Variants in SEMA4D observed in about 807,000 individuals in gnomAD.
SEMA4D encodes the protein semaphorin-4D.
SEMA4D carries 22 observed loss-of-function variants against 74.8 expected under a neutral mutation model. The ratio of observed to expected loss-of-function variants is 0.29; its 90% CI spans 0.21 to 0.42. The LOEUF (loss-of-function observed/expected upper bound fraction) is 0.42. Among genes scored for constraint, SEMA4D ranks in the 10% least tolerant of loss-of-function variants. SEMA4D has a pLI of 1.00. For synonymous variants in SEMA4D, 445 were observed against 463.7 expected, an observed-to-expected ratio of 0.96 and a Z score of 0.52; for missense variants, 937 against 1,118.4, an observed-to-expected ratio of 0.84 and a Z score of 2.31.
At chr9:89,447,552 G>A (rs1853226039) in intron 2 of SEMA4D, among the ~76,000 whole-genome samples, 1 of 152,066 alleles carries the variant, frequency 6.6e-6, no homozygotes, top group South Asian at 2.1e-4. Flanking sequence ...AGTCCTCTGG[G>A]TCCACCTTCA....
chr9:89,399,295 T>G lies in SEMA4D; in HGVS notation c.296A>C (p.Glu99Ala). 6.2e-7 allele frequency: 1 copy of G among 1,613,908 alleles called. No homozygotes were observed. Among genetic ancestry groups the G allele is most frequent in the Non-Finnish European group, 8.5e-7 (1 of 1,179,700 alleles). ...VSEDKKAKCA[E>A]KGKSKQTECL... ...ATTTACCTGTTTTGATTTCCCCTTT[T>G]CTGCACATTTTGCTTTTTTGTCTTC... Residue 99 changes from glutamate to alanine, a missense_variant, in exon 5 of 16, where the codon GAA (glutamate) becomes GCA (alanine). Physicochemically the swap from Glu to Ala is moderately radical, Grantham distance 107. Transcript: ENST00000422704.
At chr9:89,438,258 A>G (rs935356826) in intron 2 of SEMA4D, among the ~76,000 whole-genome samples, 1 of 152,250 alleles carries the variant, frequency 6.6e-6, no homozygotes, top group Non-Finnish European at 1.5e-5. Context: ...GAGACCCAGG[A>G]AGGGTGAAGA....
Position 89,402,982 on chromosome 9 carries a change from G to A in SEMA4D, c.141C>T (p.Ile47=). ...TCAGCAGCAAGGCTGAGTAGTTGTA[G>A]ATGTCTGGCTCATGAAACTGCACCA... is the stretch of plus-strand genomic sequence containing the variant. ...VHLVQFHEPD[I]YNYSALLLSE... The change falls in exon 4 of 16, where the codon ATC becomes ATT. Residue 47 remains isoleucine (I), a synonymous_variant. Coordinates refer to ENST00000422704, the MANE Select transcript of SEMA4D (RefSeq NM_001371194.2). 6.2e-7 allele frequency: 1 copy of A among 1,613,222 alleles called. No individual in the cohort carries two copies. The highest frequency in any genetic ancestry group is 8.5e-7 in the Non-Finnish European group (1 of 1,179,146).
chr9:89,423,425 G>C (rs1055696403), intron 2 of SEMA4D, among the ~76,000 whole-genome samples: 1 of 152,028 alleles, frequency 6.6e-6, no homozygotes, highest in Non-Finnish European at 1.5e-5. Context: ...TCCCAACCTC[G>C]GTGATCCGTC....
In SEMA4D at chr9:89,389,001, A is replaced by C; in HGVS notation, c.821T>G (p.Phe274Cys). 1 of 1,614,106 alleles carries C rather than the reference A, an allele frequency of 6.2e-7. No individual in the cohort carries two copies. Among genetic ancestry groups the C allele is most frequent in the Non-Finnish European group, 8.5e-7 (1 of 1,180,000 alleles). Residue 274 changes from phenylalanine (F) to cysteine (C), a missense_variant, in exon 10 of 16, where the codon TTC becomes TGC. Transcript: ENST00000422704. ...LRTLQKKWTS[F>C]LKARLICSRP... ...GGAGCAGATGAGTCGGGCTTTCAGG[A>C]AGGAGGTCCATTTCTTCTGCAAGGT...
At chr9:89,402,752 TG>T in intron 4 of SEMA4D, 118 bp downstream of exon 4, 1 of 1,080,210 alleles carries the variant, frequency 9.3e-7, no homozygotes, top group Non-Finnish European at 1.3e-6. Context: ...TGGGGCTGCA[TG>T]GTCACAGCTA....
intron 16 of SEMA4D, among the ~76,000 whole-genome samples, chr9:89,371,388 T>G (rs1588108924): frequency 4.2e-5 from 4 of 95,482 alleles, no homozygotes; most frequent in East Asian, 3.4e-4. Context: ...CATGTGTGTC[T>G]GGGGTGTGGT....
At position 89,386,368 on chromosome 9, in the gene SEMA4D, T is replaced by A. The variant is rs775317440; in HGVS notation, c.1445A>T (p.Lys482Met). Residue 482 changes from lysine to methionine, a missense_variant and splice_region_variant, in exon 13 of 16, where the codon AAG becomes ATG. Physicochemically the swap from Lys to Met is moderately conservative, Grantham distance 95. Coordinates refer to ENST00000422704, the MANE Select transcript of SEMA4D (RefSeq NM_001371194.2). ...PVQTLLLSSKKGNRFVYAGSN... is the reference protein window; with the variant it reads ...PVQTLLLSSKMGNRFVYAGSN... Reference sequence around the variant, plus strand: ...GTCCAGCTGCCTGCGTCACTTTACCTTCTTTGAAGACAGCAGCAGGGTCTG... The same window carrying A: ...GTCCAGCTGCCTGCGTCACTTTACCATCTTTGAAGACAGCAGCAGGGTCTG... 6.2e-6 allele frequency: 10 copies of A among 1,610,348 alleles called. No individual in the cohort carries two copies. The South Asian group carries it at 1.1e-4, about 18-fold the overall frequency.
At chr9:89,365,882 C>G (rs1833578203) in intron 16 of SEMA4D, among the ~76,000 whole-genome samples, 1 of 152,214 alleles carries the variant, frequency 6.6e-6, no homozygotes, top group African/African-American at 2.4e-5. Context: ...TTTAGTAATG[C>G]ATTTTCCCTG....
Position 89,399,330 on chromosome 9 carries a change from C to G in SEMA4D, c.261G>C (p.Trp87Cys). ...NISEKQHEVY[W>C]KVSEDKKAKC... ...TTGCTTTTTTGTCTTCTGAGACCTT[C>G]CAATACACCTGTTGGGATAGAGTCC... Residue 87 changes from tryptophan to cysteine, a missense_variant, in exon 5 of 16, where the codon TGG becomes TGC. Physicochemically the swap from Trp to Cys is radical, Grantham distance 215. Transcript: ENST00000422704. 6.2e-7 allele frequency: 1 copy of G among 1,611,820 alleles called. No homozygotes were observed. The highest frequency in any genetic ancestry group is 8.5e-7 in the Non-Finnish European group (1 of 1,177,844).
chr9:89,390,358 ACGGC>A (rs570938536), intron 9 of SEMA4D, among the ~76,000 whole-genome samples: 33 of 126,506 alleles, frequency 2.6e-4, no homozygotes, highest in African/African-American at 9.2e-4. Flanking sequence ...CATGGCAGCC[ACGGC>A]TGCGGGGCTG....
chr9:89,405,996 C>A, intron 2 of SEMA4D: 1 of 1,037,452 alleles, frequency 9.6e-7, no homozygotes, highest in South Asian at 4.6e-5. Context: ...ACATGGCCGG[C>A]TGGCTGCCCA....
intron 1 of SEMA4D, among the ~76,000 whole-genome samples, chr9:89,458,660 A>G (rs1220261689): frequency 2.0e-5 from 3 of 151,196 alleles, no homozygotes; most frequent in African/African-American, 7.3e-5. Context: ...CACATACAAA[A>G]TCACACACAA....
At chr9:89,449,431 C>T (rs1353206481) in intron 2 of SEMA4D, 13 of 583,356 alleles carry the variant, frequency 2.2e-5, no homozygotes, top group Non-Finnish European at 3.8e-5. Flanking sequence ...CGCTAAAAGA[C>T]TAAGTTCGCG....
At position 89,484,596 on chromosome 9, in the gene SEMA4D, T is replaced by C. The variant is rs1825008709; in HGVS notation, c.-310+13323A>G. Among the ~76,000 whole-genome samples, 1 of 151,460 alleles carries C rather than the reference T, an allele frequency of 6.6e-6. No homozygotes were observed. The highest frequency in any genetic ancestry group is 6.6e-5 in the Admixed American group (1 of 15,202). On this transcript the variant is annotated intron_variant, in intron 1 of 15. Coordinates refer to ENST00000422704, the MANE Select transcript of SEMA4D (RefSeq NM_001371194.2). This position sits in a 1 kb window ranked among gnomAD's most constrained non-coding sequence, Gnocchi z 4.1. ...TACATGGTGGGGTATGTGTGTAGTATGGGGTGTTCCGTGGTGTGATGTGCG... is the reference window on the plus strand; with the variant it reads ...TACATGGTGGGGTATGTGTGTAGTACGGGGTGTTCCGTGGTGTGATGTGCG...
chr9:89,413,897 T>C (rs1181137193), intron 2 of SEMA4D, among the ~76,000 whole-genome samples: 1 of 152,244 alleles, frequency 6.6e-6, no homozygotes. Flanking sequence ...CGCATCTGTG[T>C]GTGCATGTGT....
chr9:89,411,907 A>C (rs1844611235), intron 2 of SEMA4D, among the ~76,000 whole-genome samples: 1 of 152,182 alleles, frequency 6.6e-6, no homozygotes, highest in Non-Finnish European at 1.5e-5. Flanking sequence ...CCAGCACCTA[A>C]TGTGGCCAGC....
chr9:89,366,111 G>A (rs540683371), intron 16 of SEMA4D, among the ~76,000 whole-genome samples: 1 of 152,186 alleles, frequency 6.6e-6, no homozygotes, highest in Non-Finnish European at 1.5e-5. Flanking sequence ...GGGGCCACAA[G>A]TCACTCATTC....
Position 89,379,214 on chromosome 9 carries a change from C to T in SEMA4D, c.2079G>A (p.Gly693=). The change falls in exon 16 of 16, where the codon GGG becomes GGA. Residue 693 remains glycine, a synonymous_variant. Coordinates refer to ENST00000422704, the MANE Select transcript of SEMA4D (RefSeq NM_001371194.2). ...PTPAVQATSS[G]AITLPPKPAP... ...CAGGCTTGGGAGGAAGGGTGATGGC[C>T]CCGGAGGAGGTGGCCTGCACGGCTG... is the stretch of plus-strand genomic sequence containing the variant. 6.2e-7 allele frequency: 1 copy of T among 1,613,916 alleles called. No homozygotes were observed. The highest frequency in any genetic ancestry group is 8.5e-7 in the Non-Finnish European group (1 of 1,179,886).
Sources: allele counts gnomAD v4.1 joint callset (sites outside exome capture counted in the v4.1 genomes callset), GRCh38; gene constraint gnomAD v4.1.1; non-coding constraint Gnocchi (gnomAD v3.1); transcripts MANE v1.5; gene names NCBI Gene and HGNC (gene_info 2026-07-23, HGNC 2026-07-21).